The following RERE variants were observed in gnomAD, a reference collection of about 807,000 sequenced individuals.
RERE encodes arginine-glutamic acid dipeptide repeats, also known as arginine-glutamic acid dipeptide repeats protein.
RERE carries 40 observed loss-of-function variants against 146.1 expected under a neutral mutation model. The ratio of observed to expected loss-of-function variants is 0.27; its 90% CI spans 0.21 to 0.36. The LOEUF is 0.36. RERE is among the 10% of genes least tolerant of loss of function. The pLI is 1.00. For missense variants in RERE, 1,933 were observed against 2,138.7 expected (o/e 0.90, Z 1.90); for synonymous variants, 1,003 against 866.0 (o/e 1.16, Z -2.78).
chr1:8,445,738 A>G (rs940297610), intron 11 of RERE, among the ~76,000 whole-genome samples: 1 of 151,704 alleles, frequency 6.6e-6, no homozygotes, highest in Admixed American at 6.6e-5. Flanking sequence ...TTTGTTACAT[A>G]GTTTACACGT....
At chr1:8,489,136 G>GCATT (rs1644942772) in intron 10 of RERE, among the ~76,000 whole-genome samples, 1 of 152,012 alleles carries the variant, frequency 6.6e-6, no homozygotes, top group South Asian at 2.1e-4. Flanking sequence ...TTGAGGCCAG[G>GCATT]CATTCTAGAC....
chr1:8,687,631 G>A (rs1300732342), intron 1 of RERE, among the ~76,000 whole-genome samples: 1 of 152,112 alleles, frequency 6.6e-6, no homozygotes, highest in African/African-American at 2.4e-5. Context: ...TACAATACTT[G>A]GGGAGAGTCG....
In RERE at chr1:8,360,254, A is replaced by G; in HGVS notation, c.3253T>C (p.Ser1085Pro). 6.3e-7 allele frequency: 1 copy of G among 1,577,070 alleles called. No individual in the cohort carries two copies. The highest frequency in any genetic ancestry group is 8.6e-7 in the Non-Finnish European group (1 of 1,162,776). The change falls in exon 18 of 23, where the codon TCC becomes CCC. Residue 1085 changes from serine (S) to proline (P), a missense_variant. By Grantham distance (74) the Ser-to-Pro change is moderately conservative. This residue lies in a region of RERE where 1,255 missense variants were observed against 1,153.8 expected (regional missense o/e 1.09). Transcript: ENST00000400908. Reference protein sequence around the residue: ...ASGGSIAGGSSCPLPTVQIKE... With the variant: ...ASGGSIAGGSPCPLPTVQIKE... Reference sequence around the variant, plus strand: ...ATCTGGACGGTGGGGAGTGGGCAGGACGACCCCCCCGCTATGCTGCCTCCT... The same window carrying G: ...ATCTGGACGGTGGGGAGTGGGCAGGGCGACCCCCCCGCTATGCTGCCTCCT...
At position 8,693,101 on chromosome 1, in the gene RERE, A is replaced by G. The variant is rs138587081; in HGVS notation, c.-144-36660T>C. Among the ~76,000 whole-genome samples the G allele has an allele frequency of 2.4e-3, 361 of 152,346 alleles. 2 individuals are homozygous for G. The highest frequency in any genetic ancestry group is 8.4e-3 in the African/African-American group (348 of 41,576). On this transcript the variant is annotated intron_variant, in intron 1 of 22. Coordinates refer to ENST00000400908, the MANE Select transcript of RERE (RefSeq NM_001042681.2). ...CACTACACTGACAACACCAAATGGT[A>G]GCAAGTATGTGGAGCAACAGAAACT...
intron 1 of RERE, among the ~76,000 whole-genome samples, chr1:8,713,617 C>T (rs865956303): frequency 1.1e-4 from 16 of 151,950 alleles, no homozygotes; most frequent in African/African-American, 3.9e-4. Flanking sequence ...ACCTGTAGTC[C>T]CAGCTACTTG....
intron 12 of RERE, 147 bp downstream of exon 12, chr1:8,422,579 AG>A (rs1643925436): frequency 3.4e-6 from 2 of 594,418 alleles, no homozygotes; most frequent in African/African-American, 1.9e-5. Flanking sequence ...TTAAAAGTCA[AG>A]GGAGTAAAAC....
chr1:8,375,112 T>TC (rs36085291), intron 12 of RERE, among the ~76,000 whole-genome samples: 111,554 of 152,176 alleles, frequency 0.73, 41,423 homozygotes, highest in East Asian at 0.92. Context: ...AAGTACGTGC[T>TC]ATCTCATCTG....
At chr1:8,620,639 C>A (rs557347276) in intron 3 of RERE, among the ~76,000 whole-genome samples, 11 of 152,120 alleles carry the variant, frequency 7.2e-5, no homozygotes, top group African/African-American at 2.7e-4. Flanking sequence ...TATTACTAGT[C>A]CTTCAAAAAG....
chr1:8,488,013 GGA>G (rs1644926130), intron 10 of RERE, among the ~76,000 whole-genome samples: 1 of 151,480 alleles, frequency 6.6e-6, no homozygotes. Context: ...GGCTGAAGCA[GGA>G]GATCACGTGA....
chr1:8,575,554 TATA>T (rs553121767), intron 4 of RERE, among the ~76,000 whole-genome samples: 2,023 of 83,428 alleles, frequency 0.024, 51 homozygotes, highest in Non-Finnish European at 0.034. Flanking sequence ...TATATATATA[TATA>T]TATATTTTTT....
chr1:8,742,381 G>A (rs567814124), intron 1 of RERE, among the ~76,000 whole-genome samples: 18 of 152,278 alleles, frequency 1.2e-4, no homozygotes, highest in African/African-American at 4.3e-4. Flanking sequence ...AAAGATTGTA[G>A]AGCTGAATCG....
chr1:8,436,880 C>G (rs1644176896), intron 11 of RERE, among the ~76,000 whole-genome samples: 3 of 152,160 alleles, frequency 2.0e-5, no homozygotes, highest in African/African-American at 7.2e-5. Context: ...CAGCACATTG[C>G]AGATGCTCAA....
chr1:8,477,411 C>G (rs1644770535), intron 10 of RERE, among the ~76,000 whole-genome samples: 1 of 152,150 alleles, frequency 6.6e-6, no homozygotes, highest in Non-Finnish European at 1.5e-5. Context: ...TGAGAAAGAC[C>G]TATGTCTGGC....
chr1:8,774,951 CTTTTTTTTT>C (rs869173167), intron 1 of RERE, among the ~76,000 whole-genome samples: 31 of 47,974 alleles, frequency 6.5e-4, no homozygotes, highest in South Asian at 5.2e-3. Flanking sequence ...TTCTTTCTTT[CTTTTTTTTT>C]TTTTTTTTTT....
intron 7 of RERE, among the ~76,000 whole-genome samples, chr1:8,528,122 T>C (rs1645593040): frequency 6.6e-6 from 1 of 152,196 alleles, no homozygotes; most frequent in Non-Finnish European, 1.5e-5. Context: ...ACTCATATAG[T>C]ATGGCTGGCC....
rs113225749 is a variant in RERE at position 8,656,469 on chromosome 1, C to T, written c.-144-28G>A. ...AGGAGAGAAAAAAGAATGGTTTTAA[C>T]GCTTTTTCATATTTGTTTCCTAAAA... is the stretch of plus-strand genomic sequence containing the variant. On this transcript the variant is annotated intron_variant, in intron 1 of 22. Coordinates refer to ENST00000400908, the MANE Select transcript of RERE (RefSeq NM_001042681.2). 45 of 846,926 alleles carry T rather than the reference C, an allele frequency of 5.3e-5. 1 individual carries two copies. In the Middle Eastern group the frequency reaches 1.5e-3, roughly 28 times the overall value. 52.5% of individuals were successfully genotyped at this position (846,926 alleles called of 1,614,324 possible).
At chr1:8,724,162 T>C (rs529687609) in intron 1 of RERE, among the ~76,000 whole-genome samples, 2 of 152,326 alleles carry the variant, frequency 1.3e-5, no homozygotes, top group Non-Finnish European at 2.9e-5. Flanking sequence ...AAGAAATACA[T>C]TTATTTTATT....
At chr1:8,594,803 T>C (rs979309122) in intron 4 of RERE, among the ~76,000 whole-genome samples, 15 of 152,154 alleles carry the variant, frequency 9.9e-5, no homozygotes, top group Non-Finnish European at 2.2e-4. Flanking sequence ...GTAAAGAAGG[T>C]TGGCAGAGAG....
chr1:8,676,168 A>G (rs1638836473), intron 1 of RERE, among the ~76,000 whole-genome samples: 2 of 152,198 alleles, frequency 1.3e-5, no homozygotes, highest in Non-Finnish European at 2.9e-5. Context: ...CTTATAAATG[A>G]TCAATGCCAA....
Sources: allele counts gnomAD v4.1 joint callset (sites outside exome capture counted in the v4.1 genomes callset), GRCh38; gene constraint gnomAD v4.1.1; regional missense constraint gnomAD v4.1.1; transcripts MANE v1.5; gene names NCBI Gene and HGNC (gene_info 2026-07-23, HGNC 2026-07-21).